Variants in KAZN observed in about 807,000 individuals in gnomAD.
KAZN encodes kazrin, periplakin interacting protein.
In KAZN, 40 loss-of-function variants were observed where a neutral mutation model predicts 87.4. The observed-to-expected ratio is 0.46, with a 90% CI of 0.36 to 0.60. The LOEUF is 0.60. Among genes scored for constraint, KAZN ranks in the 20% least tolerant of loss-of-function variants. The pLI is 0.00. For synonymous variants in KAZN, 466 were observed against 458.3 expected (o/e 1.02, Z -0.22); for missense variants, 898 against 1,073.9 (o/e 0.84, Z 2.29).
At chr1:14,361,169 C>T (rs994855158) in intron 2 of KAZN, among the ~76,000 whole-genome samples, 1 of 152,218 alleles carries the variant, frequency 6.6e-6, no homozygotes, top group Non-Finnish European at 1.5e-5. Context: ...CTGGCTACAG[C>T]AGCTTTGCCA....
chr1:15,063,363 GGA>G, intron 6 of KAZN: 1 of 589,904 alleles, frequency 1.7e-6, no homozygotes, highest in South Asian at 2.0e-5. Context: ...GAGGACCCCA[GGA>G]ACTCTAGGGA....
chr1:14,374,430 C>T (rs1245999216), intron 2 of KAZN, among the ~76,000 whole-genome samples: 3 of 152,206 alleles, frequency 2.0e-5, no homozygotes, highest in African/African-American at 7.2e-5. Context: ...GTTCAGATCC[C>T]CTTCAGGCAA....
intron 1 of KAZN, among the ~76,000 whole-genome samples, chr1:14,826,513 C>T (rs1158063663): frequency 6.6e-6 from 1 of 152,226 alleles, no homozygotes; most frequent in Non-Finnish European, 1.5e-5. Context: ...AGCGGCCTTG[C>T]TGCTCCTGGG....
At chr1:14,313,091 TA>T (rs1391414869) in intron 2 of KAZN, among the ~76,000 whole-genome samples, 1 of 152,168 alleles carries the variant, frequency 6.6e-6, no homozygotes, top group African/African-American at 2.4e-5. Flanking sequence ...AAATCAAAAT[TA>T]TACAAATTGA....
chr1:14,853,322 G>A (rs565755188), intron 1 of KAZN, among the ~76,000 whole-genome samples: 142 of 152,274 alleles, frequency 9.3e-4, no homozygotes, highest in African/African-American at 3.1e-3. Context: ...CAATGGGAGA[G>A]GACAGAGGAG....
chr1:14,427,993 G>A (rs926627622), intron 2 of KAZN, among the ~76,000 whole-genome samples: 1 of 152,160 alleles, frequency 6.6e-6, no homozygotes, highest in Non-Finnish European at 1.5e-5. Flanking sequence ...ATCAATGTTT[G>A]GCCAGGTTGC....
chr1:14,237,025 G>T (rs1206443301), intron 2 of KAZN, among the ~76,000 whole-genome samples: 2 of 152,146 alleles, frequency 1.3e-5, no homozygotes, highest in Non-Finnish European at 2.9e-5. Context: ...ACCTACAGGG[G>T]CATATGCCTG....
chr1:14,069,611 T>C (rs928634693), intron 1 of KAZN, among the ~76,000 whole-genome samples: 1 of 152,204 alleles, frequency 6.6e-6, no homozygotes, highest in Non-Finnish European at 1.5e-5. Context: ...ACAGACCTAA[T>C]TGCCACCAAG....
intron 1 of KAZN, among the ~76,000 whole-genome samples, chr1:14,037,395 T>C (rs1021888510): frequency 2.0e-5 from 3 of 152,220 alleles, no homozygotes; most frequent in African/African-American, 7.2e-5. Context: ...AGAAACAGCA[T>C]TTCTGATGCT....
chr1:13,922,828 G>GT (rs1208401695), intron 1 of KAZN, among the ~76,000 whole-genome samples: 1 of 152,130 alleles, frequency 6.6e-6, no homozygotes, highest in Non-Finnish European at 1.5e-5. Context: ...CTTTTGGAAT[G>GT]TTTTTTCTTA....
intron 2 of KAZN, among the ~76,000 whole-genome samples, chr1:14,552,426 T>C (rs541558565): frequency 1.3e-5 from 2 of 152,264 alleles, no homozygotes; most frequent in East Asian, 3.9e-4. Context: ...GTACCACGGC[T>C]CCCCTTCCGG....
chr1:14,545,730 T>C (rs1165096083), intron 2 of KAZN, among the ~76,000 whole-genome samples: 2 of 152,184 alleles, frequency 1.3e-5, no homozygotes, highest in East Asian at 1.9e-4. Context: ...CAGGGGTCTC[T>C]GTTCATCAAA....
In KAZN at chr1:14,076,777, T is replaced by C. The variant is rs141396230; in HGVS notation, c.92-103658T>C. Among the ~76,000 whole-genome samples, 801 of 152,268 alleles carry C rather than the reference T, an allele frequency of 5.3e-3. 13 individuals carry two copies. Among genetic ancestry groups the C allele is most frequent in the African/African-American group, 0.018 (766 of 41,556 alleles). The stretch of plus-strand genomic sequence containing the variant: ...AGCCTAAAATATTTATTATCTGACC[T>C]TTTCTATAAAAAGTTTGCAGGCTCC... On this transcript the variant is annotated intron_variant, in intron 1 of 16. Coordinates refer to the KAZN transcript ENST00000636203.
chr1:14,348,311 C>T (rs112675896), intron 2 of KAZN, among the ~76,000 whole-genome samples: 2 of 152,250 alleles, frequency 1.3e-5, no homozygotes, highest in African/African-American at 4.8e-5. Flanking sequence ...CCCAGCCTCT[C>T]CAAATGCTGG....
chr1:14,148,917 G>A (rs1645408980), intron 1 of KAZN, among the ~76,000 whole-genome samples: 1 of 151,968 alleles, frequency 6.6e-6, no homozygotes, highest in Admixed American at 6.6e-5. Context: ...TTGCTTGATT[G>A]GATTTTGTTT....
intron 1 of KAZN, among the ~76,000 whole-genome samples, chr1:13,916,321 A>T (rs1161026422): frequency 6.6e-6 from 1 of 152,088 alleles, no homozygotes; most frequent in Non-Finnish European, 1.5e-5. Context: ...GTCACCTCTG[A>T]TTATGTTCTG....
At chr1:14,637,667 G>A (rs1410164650) in intron 1 of KAZN, among the ~76,000 whole-genome samples, 1 of 152,086 alleles carries the variant, frequency 6.6e-6, no homozygotes, top group Non-Finnish European at 1.5e-5. Context: ...TTCCTTTGGT[G>A]ATTGTATGGG....
chr1:14,472,825 AC>A (rs1668525727), intron 2 of KAZN, among the ~76,000 whole-genome samples: 1 of 152,078 alleles, frequency 6.6e-6, no homozygotes, highest in Non-Finnish European at 1.5e-5. Context: ...CTTACCAAAG[AC>A]CTATATATGT....
intron 2 of KAZN, among the ~76,000 whole-genome samples, chr1:15,010,055 A>C (rs72867889): frequency 0.017 from 2,517 of 152,332 alleles, 59 homozygotes; most frequent in African/African-American, 0.056. Context: ...GGATCCAAAT[A>C]TCCACACAGT....
Sources: allele counts gnomAD v4.1 joint callset (sites outside exome capture counted in the v4.1 genomes callset), GRCh38; gene constraint gnomAD v4.1.1; transcripts MANE v1.5; gene names NCBI Gene and HGNC (gene_info 2026-07-23, HGNC 2026-07-21).